MYH9: variants seen among roughly 807,000 people sequenced by gnomAD.
MYH9 encodes the protein myosin-9.
MYH9 carries 29 observed loss-of-function variants against 241.9 expected under a neutral mutation model. The observed-to-expected ratio is 0.12, with a 90% CI of 0.09 to 0.16. The LOEUF is 0.16. MYH9 is among the 10% of genes least tolerant of loss of function. The pLI, the probability that MYH9 is intolerant of heterozygous loss-of-function variation, is 1.00. For missense variants in MYH9, 1,803 were observed against 2,595.5 expected (o/e 0.69, Z 6.63); for synonymous variants, 1,047 against 1,062.6 (o/e 0.99, Z 0.29).
At chr22:36,319,276 C>T (rs1186913655) in intron 10 of MYH9, among the ~76,000 whole-genome samples, 1 of 152,092 alleles carries the variant, frequency 6.6e-6, no homozygotes, top group Non-Finnish European at 1.5e-5. Context: ...TCATTGGTGT[C>T]CTGACGAATG....
In MYH9 at chr22:36,306,691, C is replaced by T; in HGVS notation, c.1844-84G>A. ...AGCACGTAGGAGAGAGAGACAGGCACACGTCGGACAGGAAAAGAGGAGACA... is the reference window on the plus strand; with the variant it reads ...AGCACGTAGGAGAGAGAGACAGGCATACGTCGGACAGGAAAAGAGGAGACA... On this transcript the variant is annotated intron_variant, in intron 15 of 40. Coordinates refer to ENST00000216181, the MANE Select transcript of MYH9 (RefSeq NM_002473.6). This position sits in a 1 kb window ranked among gnomAD's most constrained non-coding sequence, Gnocchi z 4.1. The T allele has an allele frequency of 1.5e-6, 2 of 1,314,420 alleles. No homozygotes were observed. The highest frequency in any genetic ancestry group is 1.2e-5 in the South Asian group (1 of 81,048). The allele number at this position is 1,314,420 out of a possible 1,614,324, so 81.4% of individuals were successfully genotyped here.
chr22:36,352,770 GA>G (rs1187304885), intron 1 of MYH9, among the ~76,000 whole-genome samples: 1 of 152,162 alleles, frequency 6.6e-6, no homozygotes, highest in Non-Finnish European at 1.5e-5. Context: ...CGCCTCCAAG[GA>G]CCAAGGCTCC....
intron 11 of MYH9, 141 bp from the exon 12 acceptor site, chr22:36,316,810 C>G (rs1434301121): frequency 3.4e-6 from 3 of 887,968 alleles, no homozygotes; most frequent in African/African-American, 3.4e-5. Context: ...AAAAAATCTT[C>G]GTACACAAAT....
intron 24 of MYH9, 190 bp from the exon 25 acceptor site, chr22:36,297,204 C>T (rs2016802692): frequency 3.1e-6 from 2 of 645,786 alleles, no homozygotes; most frequent in Non-Finnish European, 5.4e-6. Flanking sequence ...TAGCCCCTGG[C>T]ATGTCTCTCT....
intron 1 of MYH9, among the ~76,000 whole-genome samples, chr22:36,373,770 T>C (rs535309871): frequency 6.6e-6 from 1 of 152,164 alleles, no homozygotes; most frequent in Non-Finnish European, 1.5e-5. Flanking sequence ...CAAGACTCAA[T>C]AAAACTCGTG....
At chr22:36,317,127 T>TCTA (rs1556636470) in intron 11 of MYH9, among the ~76,000 whole-genome samples, 7 of 62,244 alleles carry the variant, frequency 1.1e-4, no homozygotes, top group African/African-American at 2.2e-4. Context: ...AATAAGGCAG[T>TCTA]GGGCAGAGGG....
intron 1 of MYH9, among the ~76,000 whole-genome samples, chr22:36,369,180 G>A (rs1214311582): frequency 6.6e-6 from 1 of 152,142 alleles, no homozygotes; most frequent in African/African-American, 2.4e-5. Flanking sequence ...CTTCAGCATC[G>A]TACTGGTGGC....
At chr22:36,339,834 G>A (rs2017555295) in intron 3 of MYH9, among the ~76,000 whole-genome samples, 1 of 152,174 alleles carries the variant, frequency 6.6e-6, no homozygotes, top group African/African-American at 2.4e-5. Context: ...ACTTGGCTAA[G>A]CTCTGAGAAT....
intron 3 of MYH9, 71 bp downstream of exon 3, chr22:36,341,299 C>A: frequency 1.3e-6 from 2 of 1,588,910 alleles, no homozygotes; most frequent in Admixed American, 3.3e-5. Context: ...TGTGACTTAG[C>A]ACCTGCAAAG....
chr22:36,306,143 G>A lies in MYH9; in HGVS notation c.2038-92C>T, dbSNP rs1265867735. Reference sequence around the variant, plus strand: ...AACCCCTATGAACCTGACAGGGCAAGAGCCTAAGGGAGGGGGTCGCTACAG... The same window carrying A: ...AACCCCTATGAACCTGACAGGGCAAAAGCCTAAGGGAGGGGGTCGCTACAG... On this transcript the variant is annotated intron_variant, in intron 16 of 40. Transcript: ENST00000216181. This position sits in a 1 kb window ranked among gnomAD's most constrained non-coding sequence, Gnocchi z 4.1. 6.3e-7 allele frequency: 1 copy of A among 1,584,212 alleles called. No homozygotes were observed. Among genetic ancestry groups the A allele is most frequent in the Non-Finnish European group, 8.6e-7 (1 of 1,164,478 alleles).
In MYH9 at chr22:36,296,804, C is replaced by T. The variant is rs540895492; in HGVS notation, c.3272+39G>A. The T allele has an allele frequency of 2.5e-6, 4 of 1,576,056 alleles. 1 individual carries two copies. The South Asian group carries it at 4.5e-5, about 18-fold the overall frequency. On this transcript the variant is annotated intron_variant, in intron 25 of 40. Coordinates refer to ENST00000216181, the MANE Select transcript of MYH9 (RefSeq NM_002473.6). ...CAGCAGCAAGCAGGAAGGGCTGGCCCAGGCCACCTGGCCTCAGGCGGGCAG... is the reference window on the plus strand; with the variant it reads ...CAGCAGCAAGCAGGAAGGGCTGGCCTAGGCCACCTGGCCTCAGGCGGGCAG...
intron 1 of MYH9, among the ~76,000 whole-genome samples, chr22:36,372,599 G>A (rs1393334597): frequency 6.6e-6 from 1 of 152,014 alleles, no homozygotes; most frequent in East Asian, 1.9e-4. Flanking sequence ...ATTAAGGACT[G>A]TGACAGAGCT....
rs760722712 is a variant in MYH9, at chr22:36,300,280, G to C, written c.2839-16C>G. 1.2e-6 allele frequency: 2 copies of C among 1,611,774 alleles called. No homozygotes were observed. Among genetic ancestry groups the C allele is most frequent in the African/African-American group, 1.3e-5 (1 of 75,040 alleles). Reference sequence around the variant, plus strand: ...CCTCAAGCTCCTGCCGGGGGCCAGAGACACGGTAAGGACAGCAGGCCCAGA... The same window carrying C: ...CCTCAAGCTCCTGCCGGGGGCCAGACACACGGTAAGGACAGCAGGCCCAGA... On this transcript the variant is annotated splice_polypyrimidine_tract_variant and intron_variant, in intron 22 of 40. Transcript: ENST00000216181. This position sits in a 1 kb window ranked among gnomAD's most constrained non-coding sequence, Gnocchi z 5.0.
chr22:36,362,321 C>T (rs781146608), intron 1 of MYH9, among the ~76,000 whole-genome samples: 1 of 152,164 alleles, frequency 6.6e-6, no homozygotes, highest in African/African-American at 2.4e-5. Flanking sequence ...CACCGTCCTA[C>T]GACAGTGAGA....
intron 1 of MYH9, among the ~76,000 whole-genome samples, chr22:36,384,582 CAAAAAAAAAAAAAAA>C (rs1165405574): frequency 7.1e-5 from 1 of 14,148 alleles, no homozygotes; most frequent in African/African-American, 2.7e-4. Flanking sequence ...GACTCTGTCT[CAAAAAAAAAAAAAAA>C]AAAAAAAAAA....
At chr22:36,291,904 G>A (rs2016710731) in intron 31 of MYH9, 82 bp downstream of exon 31, 3 of 1,603,410 alleles carry the variant, frequency 1.9e-6, no homozygotes, top group Non-Finnish European at 2.6e-6. Context: ...AGGGAGCCCA[G>A]GCTTTCTCTG....
At chr22:36,284,020 G>T in intron 40 of MYH9, 73 bp downstream of exon 40, 1 of 1,572,970 alleles carries the variant, frequency 6.4e-7, no homozygotes, top group Admixed American at 1.7e-5. Flanking sequence ...TTGCTTGTGG[G>T]CTCTGGTTGA....
chr22:36,337,449 A>G (rs1042338880), intron 3 of MYH9, among the ~76,000 whole-genome samples: 1 of 152,224 alleles, frequency 6.6e-6, no homozygotes, highest in African/African-American at 2.4e-5. Context: ...ATAACTGTGG[A>G]ACAACAGGCA....
intron 19 of MYH9, among the ~76,000 whole-genome samples, chr22:36,303,381 C>T (rs1164232531): frequency 6.6e-6 from 1 of 151,766 alleles, no homozygotes; most frequent in Non-Finnish European, 1.5e-5. Flanking sequence ...TGGGTGCTGT[C>T]CCCACAAGGG....
Sources: gnomAD v4.1 joint callset for allele counts (sites outside exome capture counted in the v4.1 genomes callset) on GRCh38, gnomAD v4.1.1 for gene constraint, Gnocchi (gnomAD v3.1) non-coding constraint, MANE v1.5 for transcripts, NCBI Gene and HGNC (gene_info 2026-07-23, HGNC 2026-07-21) for gene names.